Variants in DIAPH2 observed in about 807,000 individuals in gnomAD.
DIAPH2 encodes diaphanous related formin 2.
In DIAPH2, 35 loss-of-function variants were observed where a neutral mutation model predicts 92.7. The ratio of observed to expected loss-of-function variants is 0.38; its 90% confidence interval spans 0.29 to 0.50. DIAPH2 has a LOEUF of 0.50. Among genes scored for constraint, DIAPH2 ranks in the 20% least tolerant of loss-of-function variants. The pLI, the probability that DIAPH2 is intolerant of heterozygous loss-of-function variation, is 0.94. For missense variants in DIAPH2, 701 were observed against 819.5 expected (o/e 0.86, Z 1.77); for synonymous variants, 301 against 280.4 (o/e 1.07, Z -0.73).
At chrX:96,745,587 A>T (rs2064145400) in intron 3 of DIAPH2, among the ~76,000 whole-genome samples, 1 of 112,316 alleles carries the variant, frequency 8.9e-6, no homozygotes, top group African/African-American at 3.2e-5. Context: ...AGCTAAATCT[A>T]AAATTACTGC....
intron 1 of DIAPH2, among the ~76,000 whole-genome samples, chrX:96,696,891 AAGAC>A (rs2063828372): frequency 8.9e-6 from 1 of 112,144 alleles, no homozygotes; most frequent in African/African-American, 3.2e-5. Context: ...CAAAGGACAA[AAGAC>A]AGTTTATTAT....
At chrX:97,075,345 C>A (rs991032336) in intron 19 of DIAPH2, 84 bp downstream of exon 19, 4 of 502,943 alleles carry the variant, frequency 8.0e-6, no homozygotes, top group East Asian at 9.0e-5. Flanking sequence ...TAAGAAAATT[C>A]TCTTCTATAA....
chrX:97,487,220 T>C (rs753644942), intron 26 of DIAPH2, among the ~76,000 whole-genome samples: 9 of 112,493 alleles, frequency 8.0e-5, no homozygotes, highest in African/African-American at 2.9e-4. Flanking sequence ...TGAATAATGC[T>C]GCAGTGAACA....
intron 19 of DIAPH2, among the ~76,000 whole-genome samples, chrX:97,087,646 T>C (rs1039317806): frequency 8.9e-6 from 1 of 111,867 alleles, no homozygotes; most frequent in Non-Finnish European, 1.9e-5. Context: ...TTATACAAAT[T>C]AAATATGAGC....
At chrX:96,849,157 C>A (rs1357056264) in intron 4 of DIAPH2, among the ~76,000 whole-genome samples, 1 of 110,827 alleles carries the variant, frequency 9.0e-6, no homozygotes, top group Non-Finnish European at 1.9e-5. Context: ...GTATGTGAAG[C>A]ACAAGCTTTA....
chrX:97,200,098 G>C (rs750015084), intron 22 of DIAPH2, among the ~76,000 whole-genome samples: 35 of 111,487 alleles, frequency 3.1e-4, no homozygotes, highest in South Asian at 7.6e-4. Flanking sequence ...GGAAGGCCAA[G>C]GAGCCAGGGA....
At position 96,939,356 on chromosome X, in the gene DIAPH2, G is replaced by A. The variant is rs753201795; in HGVS notation, c.1299G>A (p.Leu433=). 1.0e-5 allele frequency: 11 copies of A among 1,101,623 alleles called. No individual in the cohort carries two copies. In the South Asian group the frequency reaches 2.1e-4, roughly 21 times the overall value. The allele number at this position is 1,101,623 out of a possible 1,213,427, so 90.8% of individuals were successfully genotyped here. ...TCTTATCTATTCTACAACATTTTTT[G>A]CTTATCAGAAATGATTATTATATCA... ...NYFLSILQHF[L]LIRNDYYIRP... Residue 433 remains leucine (L), a synonymous_variant, in exon 12 of 27, where the codon TTG becomes TTA. Coordinates refer to ENST00000324765, the MANE Select transcript of DIAPH2 (RefSeq NM_006729.5).
chrX:97,582,371 G>A (rs1230275354), intron 26 of DIAPH2, among the ~76,000 whole-genome samples: 1 of 78,183 alleles, frequency 1.3e-5, no homozygotes, highest in African/African-American at 4.9e-5. Flanking sequence ...GCCTGGTGGT[G>A]ACAAAATCTC....
chrX:97,437,248 A>G (rs997803027), intron 26 of DIAPH2, among the ~76,000 whole-genome samples: 4 of 112,241 alleles, frequency 3.6e-5, no homozygotes, highest in Admixed American at 9.5e-5. Context: ...TATAAATGTC[A>G]GAATCTTATA....
intron 1 of DIAPH2, among the ~76,000 whole-genome samples, chrX:96,734,452 T>C (rs2064074709): frequency 8.9e-6 from 1 of 112,082 alleles, no homozygotes; most frequent in Non-Finnish European, 1.9e-5. Context: ...CCATTGTGTT[T>C]AAAACAGTTT....
intron 24 of DIAPH2, among the ~76,000 whole-genome samples, chrX:97,366,802 G>A (rs1033368478): frequency 4.5e-5 from 5 of 111,644 alleles, no homozygotes; most frequent in African/African-American, 9.7e-5. Flanking sequence ...TTTAAAAAGT[G>A]TAATAATTCT....
intron 4 of DIAPH2, among the ~76,000 whole-genome samples, chrX:96,877,065 GC>G (rs1189166159): frequency 1.3e-4 from 14 of 111,211 alleles, no homozygotes; most frequent in Non-Finnish European, 2.5e-4. Context: ...ATGGAGAGAA[GC>G]CATCTAAAGG....
intron 26 of DIAPH2, among the ~76,000 whole-genome samples, chrX:97,436,863 C>T (rs2070192342): frequency 8.9e-6 from 1 of 112,246 alleles, no homozygotes; most frequent in Admixed American, 9.5e-5. Flanking sequence ...CAGAGTTTGA[C>T]AGTCATCATT....
At chrX:97,518,665 G>T (rs899263971) in intron 26 of DIAPH2, among the ~76,000 whole-genome samples, 13 of 110,488 alleles carry the variant, frequency 1.2e-4, no homozygotes, top group Non-Finnish European at 1.7e-4. Flanking sequence ...CTATGGATTA[G>T]ATTCTGTGTA....
At position 97,104,371 on chromosome X, in the gene DIAPH2, A is replaced by AT. The variant is rs376970129; in HGVS notation, c.2349+4588dup. ...CTTAAATAATAAATAGTATTTCCTGATTTTTTTTTTTTAAGAGCTGCCTCT... is the reference window on the plus strand; with the variant it reads ...CTTAAATAATAAATAGTATTTCCTGATTTTTTTTTTTTTAAGAGCTGCCTCT... On this transcript the variant is annotated intron_variant, in intron 20 of 26. Transcript: ENST00000324765. Among the ~76,000 whole-genome samples the AT allele has an allele frequency of 1.9e-3, 195 of 103,467 alleles. 1 individual carries two copies. The highest frequency in any genetic ancestry group is 6.9e-3 in the South Asian group (16 of 2,324). The allele number at this position is 103,467 out of a possible 115,157, so 89.8% of individuals were successfully genotyped here. A position where few individuals can be genotyped will look rare whatever the true frequency, so the allele number is the denominator to read the frequency against.
At chrX:96,711,508 C>T (rs1208522501) in intron 1 of DIAPH2, among the ~76,000 whole-genome samples, 2 of 111,498 alleles carry the variant, frequency 1.8e-5, no homozygotes, top group African/African-American at 6.5e-5. Flanking sequence ...GTCCTTTGCC[C>T]ACTTTTTGAT....
In DIAPH2 at chrX:97,587,808, C is replaced by T. The variant is rs140415235; in HGVS notation, c.3242-11445C>T. ...TTCAGCTTTTTCTCTGTATCGGGTG[C>T]CATTCTGGTCATTTTACTTTATTGT... On this transcript the variant is annotated intron_variant, in intron 26 of 26. Transcript: ENST00000324765. Among the ~76,000 whole-genome samples the T allele has an allele frequency of 1.7e-3, 190 of 111,838 alleles. 2 individuals carry two copies. Among genetic ancestry groups the T allele is most frequent in the African/African-American group, 6.0e-3 (184 of 30,755 alleles).
At chrX:96,792,027 C>T (rs2064505705) in intron 4 of DIAPH2, among the ~76,000 whole-genome samples, 2 of 111,110 alleles carry the variant, frequency 1.8e-5, no homozygotes, top group African/African-American at 6.5e-5. Context: ...GCCCCAGTCT[C>T]TACAGGGAAA....
intron 21 of DIAPH2, among the ~76,000 whole-genome samples, chrX:97,127,875 G>A (rs1278476269): frequency 9.0e-6 from 1 of 111,220 alleles, no homozygotes; most frequent in Non-Finnish European, 1.9e-5. Flanking sequence ...GAGTGGGGTG[G>A]TGCGTGCTTG....
Sources: allele counts gnomAD v4.1 joint callset (sites outside exome capture counted in the v4.1 genomes callset), GRCh38; gene constraint gnomAD v4.1.1; transcripts MANE v1.5; gene names NCBI Gene and HGNC (gene_info 2026-07-23, HGNC 2026-07-21).